The following WDR43 variants were observed in gnomAD, a reference collection of about 807,000 sequenced individuals.
The protein encoded by WDR43 is WD repeat-containing protein 43.
Under a neutral mutation model 91.4 loss-of-function variants are expected in WDR43, and 13 were observed. The ratio of observed to expected loss-of-function variants is 0.14; its 90% CI spans 0.09 to 0.23. WDR43 has a LOEUF of 0.23. Ranked by LOEUF, WDR43 falls within the 10% of genes least tolerant of loss-of-function variation. The pLI, the probability that WDR43 is intolerant of heterozygous loss-of-function variation, is 1.00. For missense variants in WDR43, 780 were observed against 809.4 expected, an observed-to-expected ratio of 0.96 and a Z score of 0.44; for synonymous variants, 331 against 287.9, an observed-to-expected ratio of 1.15 and a Z score of -1.51.
chr2:28,924,112 G>A (rs1572594328), intron 7 of WDR43, among the ~76,000 whole-genome samples: 2 of 152,290 alleles, frequency 1.3e-5, no homozygotes, highest in African/African-American at 4.8e-5. Flanking sequence ...GTGGTAATAA[G>A]ATGCGTAGGG....
At chr2:28,920,763 G>T (rs1200436457) in intron 6 of WDR43, among the ~76,000 whole-genome samples, 4 of 151,982 alleles carry the variant, frequency 2.6e-5, no homozygotes, top group Non-Finnish European at 5.9e-5. Context: ...TGCAAACTCT[G>T]CCTCCCAGGT....
At chr2:28,899,911 G>T (rs1394326668) in intron 1 of WDR43, among the ~76,000 whole-genome samples, 1 of 152,084 alleles carries the variant, frequency 6.6e-6, no homozygotes, top group Non-Finnish European at 1.5e-5. Context: ...CCTTAAAGTT[G>T]GTCATAAATG....
chr2:28,894,947 G>C (rs769957336), intron 1 of WDR43, 24 bp downstream of exon 1: 19 of 1,508,764 alleles, frequency 1.3e-5, no homozygotes, highest in Non-Finnish European at 1.7e-5. Context: ...GACTGCGCGG[G>C]GCGGGCGCCT....
At chr2:28,922,607 G>A (rs898126574) in intron 6 of WDR43, among the ~76,000 whole-genome samples, 1 of 152,052 alleles carries the variant, frequency 6.6e-6, no homozygotes, top group Non-Finnish European at 1.5e-5. Flanking sequence ...CTGTATTCCC[G>A]GCAAGAGGGG....
chr2:28,923,048 C>A, intron 7 of WDR43, 65 bp downstream of exon 7: 1 of 1,349,166 alleles, frequency 7.4e-7, no homozygotes. Flanking sequence ...TGGTCATACT[C>A]CCACCTGGTT....
chr2:28,941,385 G>T, intron 14 of WDR43, 76 bp from the exon 15 acceptor site: 1 of 1,124,000 alleles, frequency 8.9e-7, no homozygotes. Context: ...TAAATACTGA[G>T]GCATAGCTGA....
intron 14 of WDR43, among the ~76,000 whole-genome samples, chr2:28,940,870 A>G (rs1167412237): frequency 6.6e-6 from 1 of 152,168 alleles, no homozygotes; most frequent in Non-Finnish European, 1.5e-5. Flanking sequence ...AATACAAAAG[A>G]CTCTGATGAG....
At chr2:28,916,349 G>A (rs1670910605) in intron 5 of WDR43, among the ~76,000 whole-genome samples, 2 of 152,042 alleles carry the variant, frequency 1.3e-5, no homozygotes, top group South Asian at 4.2e-4. Context: ...TTTCAAGATG[G>A]TTGTAGCATT....
chr2:28,903,244 G>C (rs959910560), intron 2 of WDR43, among the ~76,000 whole-genome samples: 2 of 151,862 alleles, frequency 1.3e-5, no homozygotes, highest in African/African-American at 4.8e-5. Context: ...GACCATTTAG[G>C]GGTTTCCAGA....
rs368090937 is a variant in WDR43, at chr2:28,929,559, C to G, written c.1306-20C>G. 1.3e-6 allele frequency: 2 copies of G among 1,562,304 alleles called. No homozygotes were observed. The highest frequency in any genetic ancestry group is 1.4e-5 in the African/African-American group (1 of 73,048). On this transcript the variant is annotated intron_variant, in intron 10 of 17. Transcript: ENST00000407426. Reference sequence around the variant, plus strand: ...TAAGTCTTGTCTGGTAACACATTAACAATCCTTTCTGTTCTGTAGGTTAGC... The same window carrying G: ...TAAGTCTTGTCTGGTAACACATTAAGAATCCTTTCTGTTCTGTAGGTTAGC...
At chr2:28,921,203 C>A (rs986376992) in intron 6 of WDR43, among the ~76,000 whole-genome samples, 1 of 151,536 alleles carries the variant, frequency 6.6e-6, no homozygotes, top group Non-Finnish European at 1.5e-5. Context: ...TCTCAGCTCA[C>A]TGCAACCTCT....
At position 28,894,791 on chromosome 2, in the gene WDR43, G is replaced by A; in HGVS notation, c.93G>A (p.Leu31=). 1 of 1,609,598 alleles carries A rather than the reference G, an allele frequency of 6.2e-7. No homozygotes were observed. The highest frequency in any genetic ancestry group is 8.5e-7 in the Non-Finnish European group (1 of 1,178,144). Residue 31 remains leucine, a synonymous_variant, in exon 1 of 18, where the codon TTG becomes TTA. Coordinates refer to ENST00000407426, the MANE Select transcript of WDR43 (RefSeq NM_015131.3). ...CGCACAGCCAGGCCTACTTCGCTTT[G>A]GCCTCTACCGACGGTCACTTACGAG... The part of the protein sequence containing the change: ...FSPHSQAYFA[L]ASTDGHLRVW...
intron 14 of WDR43, among the ~76,000 whole-genome samples, chr2:28,941,117 C>G (rs931785931): frequency 2.0e-5 from 3 of 152,162 alleles, no homozygotes; most frequent in Non-Finnish European, 2.9e-5. Context: ...CCTGGAGATA[C>G]GTGGTAGAGG....
At chr2:28,944,653 A>C (rs192752582) in intron 16 of WDR43, among the ~76,000 whole-genome samples, 4 of 152,256 alleles carry the variant, frequency 2.6e-5, no homozygotes, top group African/African-American at 4.8e-5. Context: ...GTTAACACGC[A>C]TAAGTTTGAT....
chr2:28,894,905 A>C lies in WDR43; in HGVS notation c.207A>C (p.Pro69=). The C allele has an allele frequency of 1.3e-6, 2 of 1,596,060 alleles. No homozygotes were observed. The highest frequency in any genetic ancestry group is 1.7e-6 in the Non-Finnish European group (2 of 1,171,928). ...SGTCTCLAWA[P]ARLQAKESPQ... is the part of the protein sequence containing the mutation. ...CCTGCACCTGTCTGGCCTGGGCGCC[A>C]GCGCGGCTGCAGGCCAAGGTAAAGC... Residue 69 remains proline, a synonymous_variant, in exon 1 of 18, where the codon CCA becomes CCC. Coordinates refer to ENST00000407426, the MANE Select transcript of WDR43 (RefSeq NM_015131.3).
chr2:28,929,920 G>C (rs1274721504), intron 11 of WDR43: 1 of 602,900 alleles, frequency 1.7e-6, no homozygotes, highest in African/African-American at 1.9e-5. Context: ...TTTTGAACCT[G>C]GAATGCATTT....
At chr2:28,924,085 A>G (rs1176615626) in intron 7 of WDR43, among the ~76,000 whole-genome samples, 1 of 152,194 alleles carries the variant, frequency 6.6e-6, no homozygotes, top group Non-Finnish European at 1.5e-5. Context: ...TGCAGGATGT[A>G]CACTTGTGGA....
intron 6 of WDR43, among the ~76,000 whole-genome samples, chr2:28,920,148 C>T (rs548780846): frequency 2.6e-4 from 39 of 151,250 alleles, no homozygotes; most frequent in African/African-American, 9.0e-4. Context: ...GCCTGGCCCC[C>T]TGTGACTGTA....
chr2:28,947,114 A>G lies in WDR43; in HGVS notation c.*335A>G, dbSNP rs976237554. 4 of 165,052 alleles carry G rather than the reference A, an allele frequency of 2.4e-5. No individual in the cohort carries two copies. In the Admixed American group the frequency reaches 2.5e-4, roughly 10 times the overall value. 10.2% of individuals were successfully genotyped at this position (165,052 alleles called of 1,614,324 possible). ...AAGTGCAGATAAAGACCTTTCCCAT[A>G]GGAGTTCAAGAACTGGACTGTTGTG... On this transcript the variant is annotated 3_prime_UTR_variant, in exon 18 of 18. Coordinates refer to ENST00000407426, the MANE Select transcript of WDR43 (RefSeq NM_015131.3).
Sources: gnomAD v4.1 joint callset for allele counts (sites outside exome capture counted in the v4.1 genomes callset) on GRCh38, gnomAD v4.1.1 for gene constraint, MANE v1.5 for transcripts, NCBI Gene and HGNC (gene_info 2026-07-23, HGNC 2026-07-21) for gene names.